SLC6A2: variants seen among roughly 807,000 people sequenced by gnomAD.
The protein encoded by SLC6A2 is sodium-dependent noradrenaline transporter.
SLC6A2 carries 26 observed loss-of-function variants against 71.7 expected under a neutral mutation model. The ratio of observed to expected loss-of-function variants is 0.36; its 90% CI spans 0.27 to 0.50. The LOEUF (loss-of-function observed/expected upper bound fraction) is 0.50, where lower values mean the gene tolerates loss of function less well. Among genes scored for constraint, SLC6A2 ranks in the 20% least tolerant of loss-of-function variants. The probability of loss-of-function intolerance (pLI) is 0.96; values close to 1 mark genes in which losing one functional copy is unlikely to be tolerated. For missense variants in SLC6A2, 581 were observed against 803.9 expected (o/e 0.72, Z 3.35); for synonymous variants, 363 against 337.9 (o/e 1.07, Z -0.82).
intron 4 of SLC6A2, among the ~76,000 whole-genome samples, chr16:55,674,537 G>A (rs1465894199): frequency 6.6e-6 from 1 of 151,658 alleles, no homozygotes; most frequent in African/African-American, 2.4e-5. Context: ...TGATTCTCCT[G>A]CCTCAGCCTC....
chr16:55,669,427 G>A (rs1442127989), intron 2 of SLC6A2, 138 bp from the exon 3 acceptor site: 6 of 773,674 alleles, frequency 7.8e-6, no homozygotes, highest in South Asian at 2.9e-5. Context: ...ATGATAATTA[G>A]TATTGATTGC....
Position 55,703,443 on chromosome 16 carries a change from C to T in SLC6A2, c.*1097C>T, listed in dbSNP as rs1355994929. ...AAACTCTCATGCACTAGATGTGGCACCTTGGAGGGCAGGGTGAGACAAGCA... is the reference window on the plus strand; with the variant it reads ...AAACTCTCATGCACTAGATGTGGCATCTTGGAGGGCAGGGTGAGACAAGCA... On this transcript the variant is annotated 3_prime_UTR_variant, in exon 15 of 15. Coordinates refer to ENST00000568943, the MANE Select transcript of SLC6A2 (RefSeq NM_001172501.3). The T allele has an allele frequency of 1.0e-6, 1 of 985,248 alleles. No individual in the cohort carries two copies. Among genetic ancestry groups the T allele is most frequent in the Non-Finnish European group, 1.2e-6 (1 of 829,948 alleles). 61.0% of individuals were successfully genotyped at this position (985,248 alleles called of 1,614,324 possible). A position where few individuals can be genotyped will look rare whatever the true frequency, so the allele number is the denominator to read the frequency against.
At chr16:55,686,837 A>G (rs904352792) in intron 5 of SLC6A2, among the ~76,000 whole-genome samples, 1 of 152,212 alleles carries the variant, frequency 6.6e-6, no homozygotes, top group African/African-American at 2.4e-5. Context: ...GGATAGGACC[A>G]CTAACATTCT....
intron 2 of SLC6A2, among the ~76,000 whole-genome samples, chr16:55,657,332 T>A: frequency 6.6e-6 from 1 of 151,944 alleles, no homozygotes; most frequent in East Asian, 1.9e-4. Context: ...GACCTTTTGA[T>A]GGTCTGCTGG....
Position 55,698,577 on chromosome 16 carries a change from G to C in SLC6A2, c.1489+9G>C. 1.9e-6 allele frequency: 3 copies of C among 1,593,214 alleles called. No homozygotes were observed. Among genetic ancestry groups the C allele is most frequent in the Non-Finnish European group, 2.6e-6 (3 of 1,160,832 alleles). ...AGTTTCCTGGTTTTATGGTATGTGAGTGTGTGGAAAAGCCTCAGCTCCCAG... is the reference window on the plus strand; with the variant it reads ...AGTTTCCTGGTTTTATGGTATGTGACTGTGTGGAAAAGCCTCAGCTCCCAG... On this transcript the variant is annotated intron_variant, in intron 11 of 14. Transcript: ENST00000568943.
rs1481925160 is a variant in SLC6A2, at chr16:55,703,228, G to A, written c.*882G>A. The stretch of plus-strand genomic sequence containing the variant: ...CTTCCTGAGACCTGCCTGGGGAAAC[G>A]GGGGCAGGGACCAAGTGAGGCCTCA... On this transcript the variant is annotated 3_prime_UTR_variant, in exon 15 of 15. Transcript: ENST00000568943. 3.2e-5 allele frequency: 32 copies of A among 985,116 alleles called. No individual in the cohort carries two copies. The highest frequency in any genetic ancestry group is 1.2e-4 in the Admixed American group (2 of 16,274). 61.0% of individuals were successfully genotyped at this position (985,116 alleles called of 1,614,324 possible).
At position 55,703,875 on chromosome 16, in the gene SLC6A2, G is replaced by A. The variant is rs1966045327; in HGVS notation, c.*1529G>A. On this transcript the variant is annotated 3_prime_UTR_variant, in exon 15 of 15. Transcript: ENST00000568943. The stretch of plus-strand genomic sequence containing the variant: ...TATGAGGGGACCAGGGTGGGGCAGG[G>A]AGATGGTTTTGTCTCCCAGGGTCCT... 6 of 938,624 alleles carry A rather than the reference G, an allele frequency of 6.4e-6. No individual in the cohort carries two copies. Among genetic ancestry groups the A allele is most frequent in the Non-Finnish European group, 6.3e-6 (5 of 787,424 alleles). The allele number at this position is 938,624 out of a possible 1,614,324, so 58.1% of individuals were successfully genotyped here.
chr16:55,685,951 A>G (rs1350608257), intron 5 of SLC6A2, among the ~76,000 whole-genome samples: 4 of 152,144 alleles, frequency 2.6e-5, no homozygotes, highest in African/African-American at 9.7e-5. Context: ...GTTGATTTTT[A>G]GCCCAAGGAA....
intron 7 of SLC6A2, among the ~76,000 whole-genome samples, 200 bp downstream of exon 7, chr16:55,694,313 T>A: frequency 6.6e-6 from 1 of 152,250 alleles, no homozygotes; most frequent in South Asian, 2.1e-4. Flanking sequence ...AGGATGCCTC[T>A]TAAACAAATG....
chr16:55,673,710 C>T (rs1964995444), intron 4 of SLC6A2, among the ~76,000 whole-genome samples: 3 of 152,134 alleles, frequency 2.0e-5, no homozygotes, highest in African/African-American at 2.4e-5. Context: ...TACAAGTGTG[C>T]ACCACCATGC....
At position 55,704,087 on chromosome 16, in the gene SLC6A2, C is replaced by G. The variant is rs185671506; in HGVS notation, c.*1741C>G. The G allele has an allele frequency of 6.6e-6, 1 of 152,308 alleles. No homozygotes were observed. Among genetic ancestry groups the G allele is most frequent in the Admixed American group, 6.5e-5 (1 of 15,300 alleles). The allele number at this position is 152,308 out of a possible 1,614,324, so 9.4% of individuals were successfully genotyped here. ...GAGAACAATCAGGTCGGGGTCTGGG[C>G]CCCATTAGTGACTTTATATCCTCCC... On this transcript the variant is annotated 3_prime_UTR_variant, in exon 15 of 15. Transcript: ENST00000568943.
In SLC6A2 at chr16:55,656,935, C is replaced by A; in HGVS notation, c.241C>A (p.Arg81Ser). The A allele has an allele frequency of 6.2e-7, 1 of 1,613,834 alleles. No individual in the cohort carries two copies. Among genetic ancestry groups the A allele is most frequent in the Non-Finnish European group, 8.5e-7 (1 of 1,179,884 alleles). ...GFAVDLANVW[R>S]FPYLCYKNGG... ...CGCAGTGGACCTGGCCAACGTGTGG[C>A]GCTTCCCCTACCTCTGCTACAAGAA... Residue 81 changes from arginine to serine, a missense_variant, in exon 2 of 15, where the codon CGC (arginine) becomes AGC (serine). By Grantham distance (110) the Arg-to-Ser change is moderately radical. This residue lies in a region of SLC6A2 where 81 missense variants were observed against 152.4 expected (regional missense o/e 0.53). Transcript: ENST00000568943. The surrounding 1 kb of genome is among the most constrained non-coding windows in gnomAD (Gnocchi z 4.5).
intron 4 of SLC6A2, among the ~76,000 whole-genome samples, chr16:55,682,715 A>C (rs1316275212): frequency 6.6e-6 from 1 of 152,182 alleles, no homozygotes; most frequent in Non-Finnish European, 1.5e-5. Context: ...GATGCCTATC[A>C]AGGATGATTG....
chr16:55,680,847 C>T (rs1183319947), intron 4 of SLC6A2, among the ~76,000 whole-genome samples: 2 of 152,192 alleles, frequency 1.3e-5, no homozygotes, highest in Admixed American at 1.3e-4. Context: ...GAAGATGATG[C>T]AGGGTGAGAG....
chr16:55,678,187 A>G (rs1965155435), intron 4 of SLC6A2, among the ~76,000 whole-genome samples: 1 of 152,080 alleles, frequency 6.6e-6, no homozygotes, highest in South Asian at 2.1e-4. Context: ...TAAGTGGCAG[A>G]GCTGGGAGTG....
intron 4 of SLC6A2, among the ~76,000 whole-genome samples, chr16:55,673,953 C>A (rs1457173724): frequency 6.6e-6 from 1 of 152,202 alleles, no homozygotes; most frequent in Non-Finnish European, 1.5e-5. Context: ...TCATTTATAT[C>A]AGTATGGGCT....
intron 5 of SLC6A2, among the ~76,000 whole-genome samples, chr16:55,687,225 A>C (rs1965481261): frequency 6.6e-6 from 1 of 152,304 alleles, no homozygotes; most frequent in Non-Finnish European, 1.5e-5. Context: ...GAAAAAGTCT[A>C]GATAATAAGA....
At chr16:55,679,361 G>A (rs1161194207) in intron 4 of SLC6A2, among the ~76,000 whole-genome samples, 3 of 151,964 alleles carry the variant, frequency 2.0e-5, no homozygotes, top group African/African-American at 7.3e-5. Context: ...CAAGTAGCTG[G>A]GACTACAGGT....
intron 2 of SLC6A2, among the ~76,000 whole-genome samples, chr16:55,667,660 T>C (rs1363072414): frequency 6.6e-6 from 1 of 152,202 alleles, no homozygotes; most frequent in Admixed American, 6.5e-5. Flanking sequence ...AAATAGCACA[T>C]GGCCACTCCA....
Sources: allele counts gnomAD v4.1 joint callset (sites outside exome capture counted in the v4.1 genomes callset), GRCh38; gene constraint gnomAD v4.1.1; regional missense constraint gnomAD v4.1.1; non-coding constraint Gnocchi (gnomAD v3.1); transcripts MANE v1.5; gene names NCBI Gene and HGNC (gene_info 2026-07-23, HGNC 2026-07-21).